Variants in NRXN1 observed in about 807,000 individuals in gnomAD.
NRXN1 encodes the protein neurexin-1.
Under a neutral mutation model 150.9 loss-of-function variants are expected in NRXN1, and 39 were observed. That is an observed-to-expected ratio of 0.26 (90% confidence interval 0.20 to 0.34). NRXN1 has a LOEUF of 0.34. Among genes scored for constraint, NRXN1 ranks in the 10% least tolerant of loss-of-function variants. The pLI, the probability that NRXN1 is intolerant of heterozygous loss-of-function variation, is 1.00. For missense variants in NRXN1, 1,815 were observed against 1,949.9 expected (o/e 0.93, Z 1.30); for synonymous variants, 924 against 757.0 (o/e 1.22, Z -3.62).
chr2:50,912,026 C>A (rs1212427695), intron 5 of NRXN1, among the ~76,000 whole-genome samples: 1 of 151,366 alleles, frequency 6.6e-6, no homozygotes, highest in Admixed American at 6.6e-5. Flanking sequence ...TTTTTATTAT[C>A]AAAAAAAGTC....
intron 17 of NRXN1, among the ~76,000 whole-genome samples, chr2:50,453,865 G>A (rs1356865417): frequency 6.6e-6 from 1 of 152,150 alleles, no homozygotes; most frequent in African/African-American, 2.4e-5. Context: ...AATACTTCAA[G>A]AGTGTCAAAT....
In NRXN1 at chr2:50,235,989, A is replaced by C. The variant is rs78832300; in HGVS notation, c.3546+800T>G. Among the ~76,000 whole-genome samples the C allele has an allele frequency of 9.3e-3, 1,421 of 152,190 alleles. 13 individuals are homozygous for C. The highest frequency in any genetic ancestry group is 0.033 in the African/African-American group (1,358 of 41,536). Reference sequence around the variant, plus strand: ...ATAAAAGACACTGTGCTTCTTTACAAATAATGCAAGAAAATGAAGATTTAA... The same window carrying C: ...ATAAAAGACACTGTGCTTCTTTACACATAATGCAAGAAAATGAAGATTTAA... On this transcript the variant is annotated intron_variant, in intron 18 of 22. Transcript: ENST00000401669.
chr2:50,177,751 A>G (rs1156803925), intron 18 of NRXN1, among the ~76,000 whole-genome samples: 2 of 150,228 alleles, frequency 1.3e-5, no homozygotes, highest in Non-Finnish European at 3.0e-5. Context: ...GTAGCATTCA[A>G]TTGTAGCTAA....
chr2:50,169,824 A>G (rs933701996), intron 18 of NRXN1, among the ~76,000 whole-genome samples: 1 of 152,098 alleles, frequency 6.6e-6, no homozygotes, highest in Non-Finnish European at 1.5e-5. Context: ...AGGTTGAAAC[A>G]AAGCAAAACA....
intron 2 of NRXN1, among the ~76,000 whole-genome samples, chr2:50,961,989 T>A (rs965567762): frequency 3.3e-5 from 5 of 151,352 alleles, no homozygotes; most frequent in African/African-American, 1.2e-4. Context: ...AAGAAAAATT[T>A]AAATAAAAAA....
At chr2:50,065,999 C>T (rs908634708) in intron 19 of NRXN1, among the ~76,000 whole-genome samples, 5 of 152,190 alleles carry the variant, frequency 3.3e-5, no homozygotes, top group African/African-American at 1.2e-4. Flanking sequence ...TTTTACACAG[C>T]TCCAGAAACC....
In NRXN1 at chr2:49,996,168, A is replaced by G. The variant is rs543709765; in HGVS notation, c.4129-52377T>C. Among the ~76,000 whole-genome samples the G allele has an allele frequency of 4.8e-4, 73 of 152,314 alleles. 2 individuals carry two copies. In the South Asian group the frequency reaches 0.013, roughly 28 times the overall value. On this transcript the variant is annotated intron_variant, in intron 21 of 22. Coordinates refer to ENST00000401669, the MANE Select transcript of NRXN1 (RefSeq NM_001330078.2). The stretch of plus-strand genomic sequence containing the variant: ...AAATTATTTGTGTGTGAGAGTCATG[A>G]GAAGTATAAATAAGGTATTATGAAA...
intron 21 of NRXN1, among the ~76,000 whole-genome samples, chr2:50,008,350 T>G (rs546512392): frequency 2.0e-5 from 3 of 152,242 alleles, no homozygotes; most frequent in South Asian, 4.1e-4. Flanking sequence ...TTAGCTTCCT[T>G]TACTGTTTAG....
intron 9 of NRXN1, among the ~76,000 whole-genome samples, chr2:50,541,280 G>A (rs774194188): frequency 2.6e-5 from 4 of 152,084 alleles, no homozygotes; most frequent in African/African-American, 4.8e-5. Flanking sequence ...TCAGGGTATC[G>A]TAATTCTGAC....
At chr2:50,764,021 C>T (rs1368219203) in intron 5 of NRXN1, among the ~76,000 whole-genome samples, 3 of 142,750 alleles carry the variant, frequency 2.1e-5, no homozygotes, top group Admixed American at 7.1e-5. Flanking sequence ...TCCGTTGGCC[C>T]TTTTTTTTTT....
In NRXN1 at chr2:50,991,472, A is replaced by G. The variant is rs373144163; in HGVS notation, c.772+36030T>C. Among the ~76,000 whole-genome samples, 54 of 152,136 alleles carry G rather than the reference A, an allele frequency of 3.5e-4. No individual in the cohort carries two copies. In the East Asian group the frequency reaches 6.4e-3, roughly 18 times the overall value. On this transcript the variant is annotated intron_variant, in intron 2 of 22. Transcript: ENST00000401669. ...AGCTTTCTAGTATATAATCCTGATA[A>G]TCTACTCAACTATGGTCCTACTGCA...
intron 5 of NRXN1, among the ~76,000 whole-genome samples, chr2:50,869,904 T>G (rs1010907889): frequency 6.6e-6 from 1 of 151,894 alleles, no homozygotes; most frequent in Non-Finnish European, 1.5e-5. Flanking sequence ...ATTTATTGAA[T>G]AAACAGTTGC....
intron 5 of NRXN1, among the ~76,000 whole-genome samples, chr2:50,884,368 C>T (rs1679910209): frequency 6.6e-6 from 1 of 151,712 alleles, no homozygotes; most frequent in East Asian, 1.9e-4. Context: ...CACATATTAA[C>T]AGTACCTAAA....
At chr2:50,950,324 G>T (rs11125330) in intron 2 of NRXN1, among the ~76,000 whole-genome samples, 39,137 of 152,016 alleles carry the variant, frequency 0.26, 5,597 homozygotes, top group Non-Finnish European at 0.33. Context: ...AAACATACAT[G>T]TCAAATTATA....
At chr2:50,127,439 T>C (rs900944309) in intron 18 of NRXN1, among the ~76,000 whole-genome samples, 34 of 152,226 alleles carry the variant, frequency 2.2e-4, no homozygotes, top group African/African-American at 7.7e-4. Context: ...TGAAATAGAA[T>C]TGTGAAAAAT....
intron 18 of NRXN1, among the ~76,000 whole-genome samples, chr2:50,110,987 C>G (rs1702302851): frequency 6.6e-6 from 1 of 152,076 alleles, no homozygotes; most frequent in Non-Finnish European, 1.5e-5. Context: ...AGTTATAATA[C>G]TTTATTTTCA....
intron 18 of NRXN1, among the ~76,000 whole-genome samples, chr2:50,107,780 G>A (rs181576372): frequency 4.2e-4 from 64 of 151,856 alleles, no homozygotes; most frequent in African/African-American, 1.5e-3. Context: ...ATACTAATAA[G>A]TTCTAATTAT....
intron 21 of NRXN1, among the ~76,000 whole-genome samples, chr2:50,046,395 A>G (rs1691819582): frequency 6.6e-6 from 1 of 152,234 alleles, no homozygotes; most frequent in South Asian, 2.1e-4. Context: ...CTGAAGAAAC[A>G]TAAATTCACA....
intron 5 of NRXN1, among the ~76,000 whole-genome samples, chr2:50,889,417 C>T (rs1680729411): frequency 6.6e-6 from 1 of 151,620 alleles, no homozygotes; most frequent in Non-Finnish European, 1.5e-5. Context: ...GTACACAGAG[C>T]AAATGCTCAA....
Sources: allele counts gnomAD v4.1 joint callset (sites outside exome capture counted in the v4.1 genomes callset), GRCh38; gene constraint gnomAD v4.1.1; transcripts MANE v1.5; gene names NCBI Gene and HGNC (gene_info 2026-07-23, HGNC 2026-07-21).